TNFAIP8: variants seen among roughly 807,000 people sequenced by gnomAD.
TNFAIP8 encodes tumor necrosis factor alpha-induced protein 8.
A neutral mutation model predicts 13.3 loss-of-function variants in TNFAIP8; 7 were observed. The ratio of observed to expected loss-of-function variants is 0.52; its 90% CI spans 0.30 to 0.99. TNFAIP8 has a LOEUF of 0.99. Among genes scored for constraint, TNFAIP8 ranks in the 50% least tolerant of loss-of-function variants. The probability of loss-of-function intolerance (pLI) is 0.07; values close to 1 mark genes in which losing one functional copy is unlikely to be tolerated. For synonymous variants in TNFAIP8, 94 were observed against 87.6 expected, an observed-to-expected ratio of 1.07 and a Z score of -0.41; for missense variants, 258 against 236.9, an observed-to-expected ratio of 1.09 and a Z score of -0.58.
At chr5:119,346,376 A>G (rs1262399765) in intron 1 of TNFAIP8, among the ~76,000 whole-genome samples, 1 of 152,182 alleles carries the variant, frequency 6.6e-6, no homozygotes, top group Admixed American at 6.5e-5. Context: ...CGGAACCAGG[A>G]AGGAAAACTG....
In TNFAIP8 at chr5:119,398,307, A is replaced by C. The variant is rs1188978625; in HGVS notation, c.*4926A>C. On this transcript the variant is annotated 3_prime_UTR_variant, in exon 2 of 2. Transcript: ENST00000504771. ...GACAATTTGATTTTTAAAAGTTTTGATTTGTAGAATAATGTAAGACAATAT... is the reference window on the plus strand; with the variant it reads ...GACAATTTGATTTTTAAAAGTTTTGCTTTGTAGAATAATGTAAGACAATAT... The C allele has an allele frequency of 6.6e-6, 1 of 152,184 alleles. No individual in the cohort carries two copies. The highest frequency in any genetic ancestry group is 1.9e-4 in the East Asian group (1 of 5,200). 9.4% of individuals were successfully genotyped at this position (152,184 alleles called of 1,614,324 possible).
intron 1 of TNFAIP8, among the ~76,000 whole-genome samples, chr5:119,338,467 C>G (rs1340064830): frequency 6.6e-6 from 1 of 152,218 alleles, no homozygotes; most frequent in Non-Finnish European, 1.5e-5. Context: ...TAGGACTCTG[C>G]TCTCTGCTAT....
At chr5:119,338,201 CA>C (rs1562006785) in intron 1 of TNFAIP8, among the ~76,000 whole-genome samples, 94 of 150,010 alleles carry the variant, frequency 6.3e-4, no homozygotes, top group African/African-American at 2.1e-3. Flanking sequence ...CACACACACA[CA>C]CACACACACC....
chr5:119,373,436 C>T (rs574215782), intron 1 of TNFAIP8, among the ~76,000 whole-genome samples: 8 of 152,306 alleles, frequency 5.3e-5, no homozygotes, highest in African/African-American at 1.9e-4. Flanking sequence ...GACAGGCATA[C>T]AACGGGAAAG....
chr5:119,282,216 A>C (rs1391351646), intron 1 of TNFAIP8, among the ~76,000 whole-genome samples: 2 of 152,234 alleles, frequency 1.3e-5, no homozygotes, highest in Admixed American at 1.3e-4. Flanking sequence ...GACCCAGAAT[A>C]AGCCACTTAC....
At chr5:119,370,070 T>C (rs1752015909) in intron 1 of TNFAIP8, among the ~76,000 whole-genome samples, 1 of 152,216 alleles carries the variant, frequency 6.6e-6, no homozygotes, top group Non-Finnish European at 1.5e-5. Context: ...TAGGTAACCC[T>C]TGTGTTTGAA....
intron 1 of TNFAIP8, among the ~76,000 whole-genome samples, chr5:119,317,050 A>AT (rs1749920198): frequency 5.3e-5 from 8 of 152,324 alleles, no homozygotes; most frequent in African/African-American, 1.7e-4. Flanking sequence ...GTGAGGAAAT[A>AT]ATAGCATGTA....
At chr5:119,381,837 C>T (rs1446611078) in intron 1 of TNFAIP8, among the ~76,000 whole-genome samples, 2 of 152,004 alleles carry the variant, frequency 1.3e-5, no homozygotes, top group African/African-American at 2.4e-5. Flanking sequence ...AAGGCTGAGG[C>T]AGGAGAATCG....
chr5:119,288,471 T>C (rs1440175263), intron 1 of TNFAIP8, among the ~76,000 whole-genome samples: 2 of 152,234 alleles, frequency 1.3e-5, no homozygotes, highest in Non-Finnish European at 2.9e-5. Context: ...GCACAATCAA[T>C]GGGATTAAGG....
chr5:119,278,374 A>T (rs1314683037), intron 1 of TNFAIP8, among the ~76,000 whole-genome samples: 14 of 123,208 alleles, frequency 1.1e-4, no homozygotes, highest in African/African-American at 4.9e-4. Flanking sequence ...AGAGAGAGAG[A>T]GAGTGTGTGT....
chr5:119,273,500 C>T (rs1037143990), intron 1 of TNFAIP8, among the ~76,000 whole-genome samples: 3 of 152,180 alleles, frequency 2.0e-5, no homozygotes, highest in Non-Finnish European at 4.4e-5. Flanking sequence ...AATGTCACCG[C>T]TGCTGCCAAA....
At chr5:119,389,545 T>C (rs1752814509) in intron 1 of TNFAIP8, among the ~76,000 whole-genome samples, 1 of 152,156 alleles carries the variant, frequency 6.6e-6, no homozygotes, top group Non-Finnish European at 1.5e-5. Context: ...AGCAGTTAAT[T>C]TGCAAGAAAA....
intron 1 of TNFAIP8, among the ~76,000 whole-genome samples, chr5:119,300,513 A>C (rs1406128751): frequency 3.3e-5 from 5 of 152,242 alleles, no homozygotes; most frequent in Non-Finnish European, 7.3e-5. Context: ...ACGATATTGC[A>C]TTCCTGACTC....
intron 1 of TNFAIP8, among the ~76,000 whole-genome samples, chr5:119,332,295 T>C (rs1750407125): frequency 6.6e-6 from 1 of 152,158 alleles, no homozygotes; most frequent in Non-Finnish European, 1.5e-5. Flanking sequence ...GTGGTTCTCG[T>C]TAAATCTTAA....
At chr5:119,319,846 C>G (rs1385286209) in intron 1 of TNFAIP8, among the ~76,000 whole-genome samples, 1 of 152,074 alleles carries the variant, frequency 6.6e-6, no homozygotes, top group East Asian at 1.9e-4. Context: ...TTAGGAAGTA[C>G]ATAATTAACA....
intron 1 of TNFAIP8, among the ~76,000 whole-genome samples, chr5:119,371,841 G>A (rs1752084381): frequency 6.6e-6 from 1 of 151,904 alleles, no homozygotes; most frequent in African/African-American, 2.4e-5. Flanking sequence ...GGGCAACATG[G>A]CAAAACCCCA....
At chr5:119,308,440 A>G (rs1319108070) in intron 1 of TNFAIP8, among the ~76,000 whole-genome samples, 2 of 136,900 alleles carry the variant, frequency 1.5e-5, no homozygotes, top group Non-Finnish European at 3.0e-5. Flanking sequence ...GCAGTGCATC[A>G]TGTAGGCTGT....
At chr5:119,365,218 C>G (rs1751802414) in intron 1 of TNFAIP8, among the ~76,000 whole-genome samples, 1 of 151,968 alleles carries the variant, frequency 6.6e-6, no homozygotes, top group African/African-American at 2.4e-5. Flanking sequence ...TTTTTTCTTC[C>G]TGTGACAGGA....
intron 1 of TNFAIP8, among the ~76,000 whole-genome samples, chr5:119,357,758 A>G (rs1751485624): frequency 6.6e-6 from 1 of 151,824 alleles, no homozygotes. Flanking sequence ...GCCACAAATG[A>G]TATGGCGCTC....
Sources: gnomAD v4.1 joint callset for allele counts (sites outside exome capture counted in the v4.1 genomes callset) on GRCh38, gnomAD v4.1.1 for gene constraint, MANE v1.5 for transcripts, NCBI Gene and HGNC (gene_info 2026-07-23, HGNC 2026-07-21) for gene names.